The following USH2A variants were observed in gnomAD, a reference collection of about 807,000 sequenced individuals.
USH2A encodes the protein usherin, also known as Usher syndrome 2A (autosomal recessive, mild).
A neutral mutation model predicts 538.9 loss-of-function variants in USH2A; 443 were observed. That is an observed-to-expected ratio of 0.82 (90% CI 0.76 to 0.89). The LOEUF (loss-of-function observed/expected upper bound fraction) is 0.89. USH2A is among the 40% of genes least tolerant of loss of function. The pLI is 0.00. For synonymous variants in USH2A, 2,413 were observed against 2,273.5 expected, an observed-to-expected ratio of 1.06 and a Z score of -1.75; for missense variants, 6,633 against 6,324.8, an observed-to-expected ratio of 1.05 and a Z score of -1.65.
In USH2A at chr1:215,877,793, T is replaced by G; in HGVS notation, c.8646A>C (p.Gly2882=). 1 of 1,613,788 alleles carries G rather than the reference T, an allele frequency of 6.2e-7. No homozygotes were observed. The highest frequency in any genetic ancestry group is 1.1e-5 in the South Asian group (1 of 91,080). ...DLNRWHNIYS[G]TQWLYEDKGL... ...CCTTATCTTCATAAAGCCACTGAGT[T>G]CCTGAATAAATATTGTGCCACCGAT... is the stretch of plus-strand genomic sequence containing the variant. The change falls in exon 43 of 72, where the codon GGA becomes GGC. Residue 2882 remains glycine, a synonymous_variant. Transcript: ENST00000307340.
chr1:216,156,924 A>G (rs2033957223), intron 21 of USH2A, among the ~76,000 whole-genome samples: 1 of 150,652 alleles, frequency 6.6e-6, no homozygotes. Context: ...GCCAGGCTGG[A>G]GTGCAGTGGT....
At chr1:215,726,001 G>A (rs896825252) in intron 61 of USH2A, among the ~76,000 whole-genome samples, 1 of 152,200 alleles carries the variant, frequency 6.6e-6, no homozygotes, top group African/African-American at 2.4e-5. Flanking sequence ...ACTGTTTCGT[G>A]AGACTAAATG....
chr1:216,207,286 A>C lies in USH2A; in HGVS notation c.3303T>G (p.Asp1101Glu), dbSNP rs968315321. 1 of 1,613,872 alleles carries C rather than the reference A, an allele frequency of 6.2e-7. No individual in the cohort carries two copies. The highest frequency in any genetic ancestry group is 1.3e-5 in the African/African-American group (1 of 74,918). The change falls in exon 16 of 72, where the codon GAT becomes GAG. Residue 1101 changes from aspartate to glutamate, a missense_variant. By Grantham distance (45) the Asp-to-Glu change is conservative. Coordinates refer to ENST00000307340, the MANE Select transcript of USH2A (RefSeq NM_206933.4). Reference sequence around the variant, plus strand: ...CCTTAAACTCACTGTATGGGTATTGATCCTCTGTTGTGTAGATTTCAAAAC... The same window carrying C: ...CCTTAAACTCACTGTATGGGTATTGCTCCTCTGTTGTGTAGATTTCAAAAC... ...RDGFEIYTTE[D>E]QYPYSIQYFL...
intron 38 of USH2A, among the ~76,000 whole-genome samples, chr1:215,925,379 A>T (rs1666211702): frequency 6.6e-6 from 1 of 152,132 alleles, no homozygotes; most frequent in Non-Finnish European, 1.5e-5. Context: ...ATTACTTTCA[A>T]TGGGTTGATT....
intron 9 of USH2A, among the ~76,000 whole-genome samples, chr1:216,309,431 C>T (rs1181069850): frequency 2.0e-5 from 3 of 152,098 alleles, no homozygotes; most frequent in Non-Finnish European, 1.5e-5. Context: ...GCCAGACAGT[C>T]TCATAATTCT....
chr1:215,629,164 G>A (rs1446745417), intron 70 of USH2A, 129 bp from the exon 71 acceptor site: 1 of 998,822 alleles, frequency 1.0e-6, no homozygotes, highest in South Asian at 1.4e-5. Context: ...CATTGTCAAT[G>A]AAGGGAACAA....
At chr1:216,327,539 T>C in intron 5 of USH2A, 52 bp downstream of exon 5, 2 of 1,592,178 alleles carry the variant, frequency 1.3e-6, no homozygotes, top group African/African-American at 2.7e-5. Context: ...TTTAAGTGAA[T>C]TCAGCATTTA....
At chr1:215,910,976 T>G (rs1313668262) in intron 38 of USH2A, among the ~76,000 whole-genome samples, 3 of 152,028 alleles carry the variant, frequency 2.0e-5, no homozygotes, top group African/African-American at 7.2e-5. Context: ...AGAAAAAGTA[T>G]GTTCTGCTTA....
intron 61 of USH2A, among the ~76,000 whole-genome samples, chr1:215,706,565 A>AAACGGGTT (rs1659190326): frequency 6.6e-6 from 1 of 152,168 alleles, no homozygotes; most frequent in South Asian, 2.1e-4. Context: ...ACCAGGCTCC[A>AAACGGGTT]AACGGGTTAA....
At chr1:216,135,101 A>G (rs1032328548) in intron 21 of USH2A, among the ~76,000 whole-genome samples, 1 of 151,240 alleles carries the variant, frequency 6.6e-6, no homozygotes, top group African/African-American at 2.4e-5. Flanking sequence ...CAACAAAGGC[A>G]GTCTACCATT....
At chr1:215,924,634 G>C (rs936563722) in intron 38 of USH2A, among the ~76,000 whole-genome samples, 4 of 149,764 alleles carry the variant, frequency 2.7e-5, no homozygotes, top group African/African-American at 9.8e-5. Context: ...TAAAGTTATG[G>C]ATAAAGCCGT....
intron 21 of USH2A, among the ~76,000 whole-genome samples, chr1:216,108,980 G>A (rs4511139): frequency 0.045 from 6,790 of 152,084 alleles, 185 homozygotes; most frequent in South Asian, 0.13. Flanking sequence ...CTGAAGTTGG[G>A]CTTTAATTGT....
At chr1:216,046,006 GGTGTGTGTGTGTGTGTGTGT>G (rs59426829) in intron 32 of USH2A, among the ~76,000 whole-genome samples, 47 of 137,756 alleles carry the variant, frequency 3.4e-4, no homozygotes, top group African/African-American at 8.8e-4. Context: ...CTATTTATCT[GGTGTGTGTGTGTGTGTGTGT>G]GTGTGTGTGT....
At chr1:216,260,540 T>G (rs2036351052) in intron 11 of USH2A, among the ~76,000 whole-genome samples, 1 of 152,164 alleles carries the variant, frequency 6.6e-6, no homozygotes, top group Non-Finnish European at 1.5e-5. Context: ...CTAAACATCC[T>G]GCAATGCACA....
chr1:216,232,514 C>G (rs1190338833), intron 13 of USH2A, among the ~76,000 whole-genome samples: 1 of 152,182 alleles, frequency 6.6e-6, no homozygotes, highest in African/African-American at 2.4e-5. Flanking sequence ...ATATAGGAAG[C>G]CAGTTACATT....
At position 216,423,210 on chromosome 1, in the gene USH2A, T is replaced by C. The variant is rs2039708635; in HGVS notation, c.-205+4A>G. On this transcript the variant is annotated splice_donor_region_variant and intron_variant, in intron 1 of 71. Coordinates refer to ENST00000307340, the MANE Select transcript of USH2A (RefSeq NM_206933.4). ...TAATTGTATTGATAAATAAGCTGAG[T>C]TACCATTTCTTTATTGCATTTCAAC... 1 of 152,168 alleles carries C rather than the reference T, an allele frequency of 6.6e-6. No homozygotes were observed. The highest frequency in any genetic ancestry group is 2.4e-5 in the African/African-American group (1 of 41,452). The allele number at this position is 152,168 out of a possible 1,614,324, so 9.4% of individuals were successfully genotyped here.
At chr1:216,303,972 C>CAATGGAAT (rs2037265846) in intron 9 of USH2A, among the ~76,000 whole-genome samples, 1 of 151,888 alleles carries the variant, frequency 6.6e-6, no homozygotes, top group Non-Finnish European at 1.5e-5. Context: ...AATAGAGTCA[C>CAATGGAAT]CTCCACTCTG....
chr1:215,874,630 C>T (rs1419801160), intron 43 of USH2A, among the ~76,000 whole-genome samples: 1 of 152,120 alleles, frequency 6.6e-6, no homozygotes, highest in Non-Finnish European at 1.5e-5. Context: ...CTTATATTTA[C>T]TGTCACAAAT....
chr1:216,015,891 T>A (rs11120718), intron 32 of USH2A, among the ~76,000 whole-genome samples: 1 of 152,008 alleles, frequency 6.6e-6, no homozygotes, highest in Non-Finnish European at 1.5e-5. Context: ...GACACATGCA[T>A]ACGTATGTTT....
Sources: allele counts gnomAD v4.1 joint callset (sites outside exome capture counted in the v4.1 genomes callset), GRCh38; gene constraint gnomAD v4.1.1; transcripts MANE v1.5; gene names NCBI Gene and HGNC (gene_info 2026-07-23, HGNC 2026-07-21).